The following CD27 variants were observed in gnomAD, a reference collection of about 807,000 sequenced individuals.
The protein encoded by CD27 is CD27 molecule.
A neutral mutation model predicts 25.9 loss-of-function variants in CD27; 16 were observed. The observed-to-expected ratio is 0.62, with a 90% CI of 0.42 to 0.94. CD27 has a LOEUF of 0.94. Among genes scored for constraint, CD27 ranks in the 40% least tolerant of loss-of-function variants. The pLI is 0.00. For synonymous variants in CD27, 142 were observed against 124.3 expected (o/e 1.14, Z -0.95); for missense variants, 300 against 333.2 (o/e 0.90, Z 0.78).
In CD27 at chr12:6,445,674, G is replaced by C; in HGVS notation, c.268+119G>C. The C allele has an allele frequency of 7.6e-7, 1 of 1,319,738 alleles. No homozygotes were observed. The highest frequency in any genetic ancestry group is 2.5e-5 in the Admixed American group (1 of 40,252). 81.8% of individuals were successfully genotyped at this position (1,319,738 alleles called of 1,614,324 possible). ...GGGCCAAAGCTTTGGCCTTCTTCAA[G>C]GCTCACAGCAAGTGGAGCCAATGCT... is the stretch of plus-strand genomic sequence containing the variant. On this transcript the variant is annotated intron_variant, in intron 2 of 5. Transcript: ENST00000266557. This position sits in a 1 kb window ranked among gnomAD's most constrained non-coding sequence, Gnocchi z 4.5.
Position 6,445,804 on chromosome 12 carries a change from T to C in CD27, c.268+249T>C, listed in dbSNP as rs1371704027. ...TGAGGGATTGGTGAGAACGGGTCTA[T>C]GGATAGGATCAAGACAATAAAATGA... On this transcript the variant is annotated intron_variant, in intron 2 of 5. Coordinates refer to ENST00000266557, the MANE Select transcript of CD27 (RefSeq NM_001242.5). The surrounding 1 kb of genome is among the most constrained non-coding windows in gnomAD (Gnocchi z 4.5). 1.3e-5 allele frequency among the ~76,000 whole-genome samples: 2 copies of C among 152,088 alleles called. No homozygotes were observed. Among genetic ancestry groups the C allele is most frequent in the African/African-American group, 2.4e-5 (1 of 41,408 alleles).
Position 6,450,754 on chromosome 12 carries a change from T to G in CD27, c.538+124T>G, listed in dbSNP as rs1424092094. The stretch of plus-strand genomic sequence containing the variant: ...AGGGGAAAAAGCAGAGTCCACTGTT[T>G]AGGAGAGGAGTTGGCCAACGGTGGC... On this transcript the variant is annotated intron_variant, in intron 4 of 5. Transcript: ENST00000266557. The surrounding 1 kb of genome is among the most constrained non-coding windows in gnomAD (Gnocchi z 4.1). 1 of 1,419,752 alleles carries G rather than the reference T, an allele frequency of 7.0e-7. No homozygotes were observed. Among genetic ancestry groups the G allele is most frequent in the African/African-American group, 1.4e-5 (1 of 71,080 alleles). 87.9% of individuals were successfully genotyped at this position (1,419,752 alleles called of 1,614,324 possible).
Position 6,450,384 on chromosome 12 carries a change from G to C in CD27, c.448+32G>C. On this transcript the variant is annotated intron_variant, in intron 3 of 5. Transcript: ENST00000266557. The surrounding 1 kb of genome is among the most constrained non-coding windows in gnomAD (Gnocchi z 4.1). ...TCCAGGCAACTCTCTGTGCCATCAC[G>C]TGGGGTAGCGGTGATACCCCAACCA... 6.3e-7 allele frequency: 1 copy of C among 1,598,440 alleles called. No homozygotes were observed. Among genetic ancestry groups the C allele is most frequent in the Middle Eastern group, 1.7e-4 (1 of 6,030 alleles).
chr12:6,445,470 G>T lies in CD27; in HGVS notation c.183G>T (p.Gln61His). The T allele has an allele frequency of 6.2e-7, 1 of 1,614,162 alleles. No individual in the cohort carries two copies. Among genetic ancestry groups the T allele is most frequent in the Non-Finnish European group, 8.5e-7 (1 of 1,180,028 alleles). The change falls in exon 2 of 6, where the codon CAG (glutamine) becomes CAT (histidine). Residue 61 changes from glutamine to histidine, a missense_variant. Transcript: ENST00000266557. This position sits in a 1 kb window ranked among gnomAD's most constrained non-coding sequence, Gnocchi z 4.5. ...GTGACCAGCATAGAAAGGCTGCTCA[G>T]TGTGATCCTTGCATACCGGGGGTCT... is the stretch of plus-strand genomic sequence containing the variant. ...KDCDQHRKAA[Q>H]CDPCIPGVSF...
In CD27 at chr12:6,450,976, G is replaced by C. The variant is rs747604445; in HGVS notation, c.620G>C (p.Gly207Ala). 7.4e-6 allele frequency: 12 copies of C among 1,614,074 alleles called. No individual in the cohort carries two copies. The highest frequency in any genetic ancestry group is 1.0e-5 in the Non-Finnish European group (12 of 1,179,980). Reference sequence around the variant, plus strand: ...ATGTTCCTTGTTTTCACCCTGGCCGGGGCCCTGTTCCTCCATCAACGAAGG... The same window carrying C: ...ATGTTCCTTGTTTTCACCCTGGCCGCGGCCCTGTTCCTCCATCAACGAAGG... ...SGMFLVFTLA[G>A]ALFLHQRRKY... Residue 207 changes from glycine (G) to alanine (A), a missense_variant, in exon 5 of 6, where the codon GGG (glycine) becomes GCG (alanine). Physicochemically the swap from Gly to Ala is moderately conservative, Grantham distance 60 (BLOSUM62 0). Transcript: ENST00000266557. The surrounding 1 kb of genome is among the most constrained non-coding windows in gnomAD (Gnocchi z 4.1).
intron 2 of CD27, among the ~76,000 whole-genome samples, chr12:6,446,776 T>TCACA (rs35670100): frequency 0.24 from 35,706 of 148,314 alleles, 4,455 homozygotes; most frequent in East Asian, 0.32. Context: ...AAACCCTTTT[T>TCACA]CACACACACA....
chr12:6,450,708 C>A lies in CD27; in HGVS notation c.538+78C>A, dbSNP rs193253590. The stretch of plus-strand genomic sequence containing the variant: ...CAGGAGGGAAGCCAGACAGAAAGCT[C>A]CTAGGATTAGGGATAAGAGGAGGGG... On this transcript the variant is annotated intron_variant, in intron 4 of 5. Coordinates refer to ENST00000266557, the MANE Select transcript of CD27 (RefSeq NM_001242.5). This position sits in a 1 kb window ranked among gnomAD's most constrained non-coding sequence, Gnocchi z 4.1. 1.5e-4 allele frequency: 223 copies of A among 1,471,850 alleles called. No homozygotes were observed. Among genetic ancestry groups the A allele is most frequent in the Non-Finnish European group, 1.9e-4 (204 of 1,063,306 alleles). The allele number at this position is 1,471,850 out of a possible 1,614,324, so 91.2% of individuals were successfully genotyped here.
intron 5 of CD27, 27 bp from the exon 6 acceptor site, chr12:6,451,241 C>G: frequency 6.2e-7 from 1 of 1,612,000 alleles, no homozygotes; most frequent in Non-Finnish European, 8.5e-7. Context: ...CACTGCTGGC[C>G]AAGACTCATC....
At chr12:6,447,273 C>T (rs1266589339) in intron 2 of CD27, 1 of 152,256 alleles carries the variant, frequency 6.6e-6, no homozygotes, top group Non-Finnish European at 1.5e-5. Context: ...CCCCCCTACT[C>T]ACTCTGCAGA....
Position 6,450,651 on chromosome 12 carries a change from C to G in CD27, c.538+21C>G. The G allele has an allele frequency of 6.2e-7, 1 of 1,602,526 alleles. No individual in the cohort carries two copies. Among genetic ancestry groups the G allele is most frequent in the Non-Finnish European group, 8.5e-7 (1 of 1,173,094 alleles). The stretch of plus-strand genomic sequence containing the variant: ...GCCACGTGAGTTTTCTCCTTAATCC[C>G]CACCGCTAGAGAGAATGCATACACG... On this transcript the variant is annotated intron_variant, in intron 4 of 5. Transcript: ENST00000266557. This position sits in a 1 kb window ranked among gnomAD's most constrained non-coding sequence, Gnocchi z 4.1.
intron 2 of CD27, among the ~76,000 whole-genome samples, chr12:6,449,950 T>G (rs1949490872): frequency 6.6e-6 from 1 of 152,194 alleles, no homozygotes; most frequent in African/African-American, 2.4e-5. Flanking sequence ...AACCCATGAA[T>G]CTTCCTTCTG....
In CD27 at chr12:6,451,363, C is replaced by G; in HGVS notation, c.754C>G (p.Arg252Gly). The G allele has an allele frequency of 6.2e-7, 1 of 1,613,726 alleles. No homozygotes were observed. The highest frequency in any genetic ancestry group is 1.1e-5 in the South Asian group (1 of 91,074). Residue 252 changes from arginine (R) to glycine (G), a missense_variant, in exon 6 of 6, where the codon CGA (arginine) becomes GGA (glycine). Coordinates refer to ENST00000266557, the MANE Select transcript of CD27 (RefSeq NM_001242.5). ...CACCATCCCCATCCAGGAGGATTAC[C>G]GAAAACCGGAGCCTGCCTGCTCCCC... ...GSTIPIQEDYRKPEPACSP is the reference protein window; with the variant it reads ...GSTIPIQEDYGKPEPACSP
chr12:6,451,478 A>G lies in CD27; in HGVS notation c.*86A>G. On this transcript the variant is annotated 3_prime_UTR_variant, in exon 6 of 6. Coordinates refer to ENST00000266557, the MANE Select transcript of CD27 (RefSeq NM_001242.5). ...CAAGGGAGAGTGAGACCTGGCAGCCACAACTGCAGTCCCATCCTCTTGTCA... is the reference window on the plus strand; with the variant it reads ...CAAGGGAGAGTGAGACCTGGCAGCCGCAACTGCAGTCCCATCCTCTTGTCA... The G allele has an allele frequency of 7.2e-7, 1 of 1,396,242 alleles. No homozygotes were observed. Among genetic ancestry groups the G allele is most frequent in the Non-Finnish European group, 9.8e-7 (1 of 1,019,566 alleles). The allele number at this position is 1,396,242 out of a possible 1,614,324, so 86.5% of individuals were successfully genotyped here. A position where few individuals can be genotyped will look rare whatever the true frequency, so the allele number is the denominator to read the frequency against.
At chr12:6,446,232 G>A (rs1027818618) in intron 2 of CD27, among the ~76,000 whole-genome samples, 2 of 152,168 alleles carry the variant, frequency 1.3e-5, no homozygotes, top group Admixed American at 6.5e-5. Context: ...TTTAGAACCA[G>A]GTAACTGTAA....
At position 6,450,164 on chromosome 12, in the gene CD27, T is replaced by C. The variant is rs11830902; in HGVS notation, c.269-9T>C. On this transcript the variant is annotated splice_polypyrimidine_tract_variant and intron_variant, in intron 2 of 5. Transcript: ENST00000266557. The surrounding 1 kb of genome is among the most constrained non-coding windows in gnomAD (Gnocchi z 4.1). ...GTGTCCTATGCTCCCTGGGCCTCTC[T>C]TCCCCCAGGTCTTCTCGTTCGCAAC... 4.6e-3 allele frequency: 7,393 copies of C among 1,609,108 alleles called. 259 individuals are homozygous for C. The African/African-American group carries it at 0.081, about 18-fold the overall frequency.
At chr12:6,447,461 G>A (rs1949433310) in intron 2 of CD27, 1 of 152,104 alleles carries the variant, frequency 6.6e-6, no homozygotes, top group Admixed American at 6.5e-5. Context: ...GAAGATGGGT[G>A]GGCTGAATGA....
intron 2 of CD27, among the ~76,000 whole-genome samples, chr12:6,449,625 C>T (rs1218329843): frequency 6.6e-6 from 1 of 151,918 alleles, no homozygotes; most frequent in African/African-American, 2.4e-5. Flanking sequence ...GAGGCTGGTG[C>T]ATCACCTGAG....
chr12:6,446,050 CA>C (rs60365296), intron 2 of CD27, among the ~76,000 whole-genome samples: 2,046 of 149,660 alleles, frequency 0.014, 45 homozygotes, highest in African/African-American at 0.046. Flanking sequence ...TTTATAGTTC[CA>C]AAAAAAAAGG....
chr12:6,451,053 A>G (rs1177748753), intron 5 of CD27, 39 bp downstream of exon 5: 2 of 1,612,796 alleles, frequency 1.2e-6, no homozygotes, highest in Admixed American at 3.3e-5. Context: ...CTGCCCCTGC[A>G]CCACACCCCA....
Sources: allele counts gnomAD v4.1 joint callset (sites outside exome capture counted in the v4.1 genomes callset), GRCh38; gene constraint gnomAD v4.1.1; non-coding constraint Gnocchi (gnomAD v3.1); transcripts MANE v1.5; gene names NCBI Gene and HGNC (gene_info 2026-07-23, HGNC 2026-07-21).